The following ITGA6 variants were observed in gnomAD, a reference collection of about 807,000 sequenced individuals.
ITGA6 encodes integrin subunit alpha 6.
ITGA6 carries 63 observed loss-of-function variants against 133.6 expected under a neutral mutation model. The observed-to-expected ratio is 0.47, with a 90% CI of 0.38 to 0.58. The LOEUF (loss-of-function observed/expected upper bound fraction) is 0.58. ITGA6 is among the 20% of genes least tolerant of loss of function. The pLI is 0.00. For missense variants in ITGA6, 1,068 were observed against 1,309.4 expected (o/e 0.82, Z 2.85); for synonymous variants, 434 against 482.0 (o/e 0.90, Z 1.30).
In ITGA6 at chr2:172,491,864, C is replaced by A. The variant is rs534089856; in HGVS notation, c.2988+341C>A. On this transcript the variant is annotated intron_variant, in intron 23 of 25. Transcript: ENST00000684293. The surrounding 1 kb of genome is among the most constrained non-coding windows in gnomAD (Gnocchi z 4.4). ...TGTAATGCCCCAGTGATGGCCCATC[C>A]CTTGGCCAGCTGTAATTATTAAAAA... Among the ~76,000 whole-genome samples the A allele has an allele frequency of 4.9e-4, 74 of 152,202 alleles. No individual in the cohort carries two copies. The highest frequency in any genetic ancestry group is 1.7e-3 in the African/African-American group (69 of 41,526).
chr2:172,444,688 A>AC (rs1684682491), intron 1 of ITGA6, among the ~76,000 whole-genome samples: 2 of 138,096 alleles, frequency 1.4e-5, no homozygotes, highest in Non-Finnish European at 3.1e-5. Context: ...TTTGCCCCAA[A>AC]CCCCCCTGAG....
At chr2:172,488,564 G>C (rs1422223810) in intron 19 of ITGA6, among the ~76,000 whole-genome samples, 2 of 152,216 alleles carry the variant, frequency 1.3e-5, no homozygotes, top group African/African-American at 4.8e-5. Flanking sequence ...TTTTTGTGGT[G>C]AATGTAGATT....
At chr2:172,458,361 T>A (rs560128615) in intron 1 of ITGA6, among the ~76,000 whole-genome samples, 1 of 151,814 alleles carries the variant, frequency 6.6e-6, no homozygotes, top group South Asian at 2.1e-4. Context: ...TGTCTCAGCC[T>A]CCCAGATAGC....
At chr2:172,500,703 C>T (rs1163977901) in intron 24 of ITGA6, among the ~76,000 whole-genome samples, 2 of 152,156 alleles carry the variant, frequency 1.3e-5, no homozygotes, top group Admixed American at 6.5e-5. Context: ...CTTCTTCCCA[C>T]CCTATTTACT....
chr2:172,435,347 A>G lies in ITGA6; in HGVS notation c.182+7377A>G, dbSNP rs144214214. ...CTCTTTCCTTCTTGCTGAGGGTAGT[A>G]AGAAATCCTCCCTAGGCCCCATTCC... On this transcript the variant is annotated intron_variant, in intron 1 of 25. Transcript: ENST00000684293. Among the ~76,000 whole-genome samples the G allele has an allele frequency of 4.4e-3, 667 of 152,216 alleles. 1 individual carries two copies. The highest frequency in any genetic ancestry group is 7.3e-3 in the Non-Finnish European group (496 of 68,004).
chr2:172,465,902 G>T, intron 2 of ITGA6: 1 of 596,628 alleles, frequency 1.7e-6, no homozygotes. Context: ...TATGGTGTAG[G>T]GATGTTGCCA....
intron 2 of ITGA6, chr2:172,465,972 A>C: frequency 2.2e-6 from 1 of 458,856 alleles, no homozygotes; most frequent in Non-Finnish European, 4.0e-6. Flanking sequence ...ATAGCAATGA[A>C]GAGAATGAAT....
intron 1 of ITGA6, among the ~76,000 whole-genome samples, chr2:172,442,214 G>A (rs1029696644): frequency 3.9e-5 from 6 of 152,166 alleles, no homozygotes; most frequent in Non-Finnish European, 5.9e-5. Context: ...GATGAAAGGC[G>A]AGGTGCCTGA....
At chr2:172,493,699 C>G (rs561315158) in intron 23 of ITGA6, among the ~76,000 whole-genome samples, 1 of 152,292 alleles carries the variant, frequency 6.6e-6, no homozygotes, top group African/African-American at 2.4e-5. Flanking sequence ...GTCCCCAAAT[C>G]TCAAATTGAG....
At chr2:172,483,939 T>A (rs757485530) in intron 11 of ITGA6, among the ~76,000 whole-genome samples, 122 of 152,290 alleles carry the variant, frequency 8.0e-4, no homozygotes, top group Non-Finnish European at 1.4e-3. Flanking sequence ...GCCTCCCGAG[T>A]AGCTGGGATT....
At chr2:172,481,400 C>T (rs1686434190) in intron 11 of ITGA6, among the ~76,000 whole-genome samples, 2 of 152,168 alleles carry the variant, frequency 1.3e-5, no homozygotes, top group Non-Finnish European at 2.9e-5. Flanking sequence ...TACTCTAATT[C>T]TTCTTTAACT....
intron 1 of ITGA6, chr2:172,465,056 GAT>G (rs1375675587): frequency 1.0e-5 from 2 of 194,126 alleles, no homozygotes; most frequent in South Asian, 1.8e-4. Flanking sequence ...GAAAATCTAA[GAT>G]ATAGTCAGAA....
At chr2:172,474,483 T>A (rs1686078431) in intron 6 of ITGA6, among the ~76,000 whole-genome samples, 1 of 151,676 alleles carries the variant, frequency 6.6e-6, no homozygotes, top group Non-Finnish European at 1.5e-5. Flanking sequence ...TTTCAGTTTT[T>A]ACTTATATGT....
Position 172,487,779 on chromosome 2 carries a change from G to A in ITGA6, c.2296G>A (p.Asp766Asn). The A allele has an allele frequency of 6.2e-7, 1 of 1,611,528 alleles. No homozygotes were observed. Residue 766 changes from aspartate (D) to asparagine (N), a missense_variant, in exon 17 of 26, where the codon GAT (aspartate) becomes AAT (asparagine). Around this residue, in one of 3 missense-constraint regions of ITGA6, gnomAD observed 609 missense variants for 707.2 expected, o/e 0.86. Coordinates refer to ENST00000684293, the MANE Select transcript of ITGA6 (RefSeq NM_000210.4). ...STTEVTFDTP[D>N]LDINLKLETT... ...AACTGAAGTCACCTTTGACACCCCA[G>A]ATCTGGATATTAATCTGAAGTTAGA...
Position 172,433,327 on chromosome 2 carries a change from C to G in ITGA6, c.182+5357C>G, listed in dbSNP as rs183658451. Among the ~76,000 whole-genome samples, 802 of 152,164 alleles carry G rather than the reference C, an allele frequency of 5.3e-3. 5 individuals are homozygous for G. Among genetic ancestry groups the G allele is most frequent in the African/African-American group, 0.019 (768 of 41,436 alleles). On this transcript the variant is annotated intron_variant, in intron 1 of 25. Coordinates refer to ENST00000684293, the MANE Select transcript of ITGA6 (RefSeq NM_000210.4). The stretch of plus-strand genomic sequence containing the variant: ...TACGTCAGTTTCCATAAGTGTGCTC[C>G]AAGAAGCTGTTCTTAAAGTCTTCTT...
chr2:172,428,110 GC>G, intron 1 of ITGA6, 140 bp downstream of exon 1: 1 of 745,404 alleles, frequency 1.3e-6, no homozygotes, highest in Non-Finnish European at 1.8e-6. Context: ...CGCACCCAGC[GC>G]CCAGCGCGCT....
Position 172,441,559 on chromosome 2 carries a change from T to TAAAA in ITGA6, c.182+13622_182+13625dup, listed in dbSNP as rs57828626. Among the ~76,000 whole-genome samples, 48 of 48,848 alleles carry TAAAA rather than the reference T, an allele frequency of 9.8e-4. 1 individual carries two copies. The highest frequency in any genetic ancestry group is 1.4e-3 in the Non-Finnish European group (34 of 23,680). The allele number at this position is 48,848 out of a possible 152,430, so 32.0% of individuals were successfully genotyped here. ...TAACAGAGTGGAGACGCTGTCTCTT[T>TAAAA]AAAAAAAAAAAAAAAAAAAAAAAAA... On this transcript the variant is annotated intron_variant, in intron 1 of 25. Transcript: ENST00000684293.
chr2:172,443,215 C>G (rs963131177), intron 1 of ITGA6, among the ~76,000 whole-genome samples: 22 of 152,134 alleles, frequency 1.4e-4, no homozygotes, highest in Admixed American at 1.1e-3. Context: ...CTCTTTTTCT[C>G]TTGGTATGTT....
intron 1 of ITGA6, among the ~76,000 whole-genome samples, chr2:172,434,664 C>T (rs151003726): frequency 1.4e-3 from 217 of 152,186 alleles, no homozygotes; most frequent in African/African-American, 5.0e-3. Flanking sequence ...TACCACTAAA[C>T]GCAAGTCACA....
Sources: gnomAD v4.1 joint callset for allele counts (sites outside exome capture counted in the v4.1 genomes callset) on GRCh38, gnomAD v4.1.1 for gene constraint, gnomAD v4.1.1 regional missense constraint, Gnocchi (gnomAD v3.1) non-coding constraint, MANE v1.5 for transcripts, NCBI Gene and HGNC (gene_info 2026-07-23, HGNC 2026-07-21) for gene names.